Variants in KDM2B observed in about 807,000 individuals in gnomAD.
The protein encoded by KDM2B is lysine demethylase 2B.
KDM2B carries 26 observed loss-of-function variants against 150.0 expected under a neutral mutation model. That is an observed-to-expected ratio of 0.17 (90% CI 0.13 to 0.24). KDM2B has a LOEUF of 0.24. KDM2B is among the 10% of genes least tolerant of loss of function. The pLI is 1.00. For missense variants in KDM2B, 1,265 were observed against 1,816.9 expected (o/e 0.70, Z 5.52); for synonymous variants, 734 against 729.5 (o/e 1.01, Z -0.10).
intron 22 of KDM2B, among the ~76,000 whole-genome samples, chr12:121,435,695 C>T (rs1180276080): frequency 6.6e-6 from 1 of 152,116 alleles, no homozygotes; most frequent in African/African-American, 2.4e-5. Flanking sequence ...TTGAGAACCT[C>T]CTTCCCCCAT....
rs986985297 is a variant in KDM2B, at chr12:121,444,048, T to G, written c.2415A>C (p.Lys805Asn). 9.9e-6 allele frequency: 16 copies of G among 1,613,594 alleles called. No individual in the cohort carries two copies. The highest frequency in any genetic ancestry group is 3.3e-5 in the South Asian group (3 of 91,040). Residue 805 changes from lysine to asparagine, a missense_variant, in exon 16 of 23, where the codon AAA becomes AAC. Coordinates refer to ENST00000377071, the MANE Select transcript of KDM2B (RefSeq NM_032590.5). ...CACTCAGCTCCTGGGGCTTCTCGTATTTCCGCTTCTTCCTCAGGTGCACGT... is the reference window on the plus strand; with the variant it reads ...CACTCAGCTCCTGGGGCTTCTCGTAGTTCCGCTTCTTCCTCAGGTGCACGT... ...SDDVHLRKKR[K>N]YEKPQELSGR...
At chr12:121,562,667 G>T (rs1351883147) in intron 4 of KDM2B, among the ~76,000 whole-genome samples, 2 of 151,160 alleles carry the variant, frequency 1.3e-5, no homozygotes, top group Non-Finnish European at 2.9e-5. Context: ...GGAGGAGGAA[G>T]GGGGGAGGAA....
At chr12:121,487,199 G>A (rs1174116301) in intron 12 of KDM2B, among the ~76,000 whole-genome samples, 4 of 152,040 alleles carry the variant, frequency 2.6e-5, no homozygotes, top group African/African-American at 9.7e-5. Flanking sequence ...GAAAGAACTG[G>A]GGCATCCTTT....
intron 11 of KDM2B, among the ~76,000 whole-genome samples, chr12:121,506,008 GT>G (rs145390002): frequency 0.025 from 3,774 of 151,850 alleles, 143 homozygotes; most frequent in African/African-American, 0.087. Context: ...TCGTTTTTTT[GT>G]TTGCTTTTTT....
Position 121,439,905 on chromosome 12 carries a change from C to T in KDM2B, c.3781G>A (p.Ala1261Thr), listed in dbSNP as rs1322366721. ...VTDQSINLLT[A>T]VGTTTRDSLT... ...GAGTCTCGGGTGGTGGTGCCAACAGCAGTGAGCAGGTTGATAGACTGGTCG... is the reference window on the plus strand; with the variant it reads ...GAGTCTCGGGTGGTGGTGCCAACAGTAGTGAGCAGGTTGATAGACTGGTCG... Residue 1261 changes from alanine (A) to threonine (T), a missense_variant, in exon 22 of 23, where the codon GCT (alanine) becomes ACT (threonine). This residue lies in a region of KDM2B where 251 missense variants were observed against 397.8 expected (regional missense o/e 0.63). Coordinates refer to ENST00000377071, the MANE Select transcript of KDM2B (RefSeq NM_032590.5). 6.2e-7 allele frequency: 1 copy of T among 1,614,088 alleles called. No individual in the cohort carries two copies. The highest frequency in any genetic ancestry group is 8.5e-7 in the Non-Finnish European group (1 of 1,180,032).
At chr12:121,445,193 C>T (rs1339063609) in intron 14 of KDM2B, 82 bp downstream of exon 14, 97 of 1,508,708 alleles carry the variant, frequency 6.4e-5, no homozygotes, top group Non-Finnish European at 8.7e-5. Context: ...GCACGACCTG[C>T]ATCCCACCAT....
At chr12:121,578,982 T>C in intron 1 of KDM2B, 36 bp from the exon 2 acceptor site, 3 of 1,594,662 alleles carry the variant, frequency 1.9e-6, no homozygotes, top group South Asian at 1.1e-5. Flanking sequence ...CGGGACATTA[T>C]TGTGGGGGCT....
intron 22 of KDM2B, among the ~76,000 whole-genome samples, chr12:121,436,918 C>T (rs972593240): frequency 5.3e-4 from 80 of 152,190 alleles, no homozygotes; most frequent in African/African-American, 1.9e-3. Flanking sequence ...ACTGTAGCAA[C>T]AGGCTCCCAG....
intron 13 of KDM2B, among the ~76,000 whole-genome samples, chr12:121,446,529 C>T (rs1271896806): frequency 2.0e-5 from 3 of 152,204 alleles, no homozygotes; most frequent in Admixed American, 6.5e-5. Context: ...TAAAGTGCCT[C>T]GGCACACAGG....
chr12:121,538,073 C>T (rs1436718111), intron 6 of KDM2B, among the ~76,000 whole-genome samples: 4 of 151,614 alleles, frequency 2.6e-5, no homozygotes, highest in African/African-American at 7.3e-5. Flanking sequence ...GCGGGGCCCC[C>T]GCTCGCTGCC....
At chr12:121,424,898 TCTCTAAC>T (rs1872439328), downstream of KDM2B, among the ~76,000 whole-genome samples, 4 of 152,166 alleles carry the variant, frequency 2.6e-5, no homozygotes, top group Admixed American at 2.6e-4. Context: ...TTGCTTTGCT[TCTCTAAC>T]CTCTGAGAAG....
At chr12:121,515,542 A>C (rs1594020006) in intron 9 of KDM2B, among the ~76,000 whole-genome samples, 1 of 77,644 alleles carries the variant, frequency 1.3e-5, no homozygotes, top group African/African-American at 5.8e-5. Context: ...ACACTTGCCC[A>C]CCTCCACTGC....
At chr12:121,516,886 C>CAAA (rs1886252938) in intron 9 of KDM2B, 1 of 569,392 alleles carries the variant, frequency 1.8e-6, no homozygotes, top group African/African-American at 2.4e-5. Context: ...AAAAAAAAAT[C>CAAA]AATGGAAAAA....
At chr12:121,515,464 A>G (rs1296248164) in intron 9 of KDM2B, among the ~76,000 whole-genome samples, 1 of 29,162 alleles carries the variant, frequency 3.4e-5, no homozygotes, top group Non-Finnish European at 6.6e-5. Flanking sequence ...CACCCCCTCT[A>G]ATCACACTCG....
chr12:121,427,926 T>TGAC (rs1555284466), downstream of KDM2B, among the ~76,000 whole-genome samples: 1 of 152,258 alleles, frequency 6.6e-6, no homozygotes, highest in African/African-American at 2.4e-5. Flanking sequence ...AGGAAGAGGA[T>TGAC]GACTTTACTG....
chr12:121,569,640 C>G (rs967559713), intron 4 of KDM2B, among the ~76,000 whole-genome samples: 4 of 152,110 alleles, frequency 2.6e-5, no homozygotes, highest in African/African-American at 9.7e-5. Flanking sequence ...TCTCTGGAAG[C>G]CTGTGTGCAG....
chr12:121,578,865 G>A lies in KDM2B; in HGVS notation c.208C>T (p.Leu70=). Residue 70 remains leucine (L), a synonymous_variant, in exon 2 of 23, where the codon CTG becomes TTG. Coordinates refer to ENST00000377071, the MANE Select transcript of KDM2B (RefSeq NM_032590.5). The part of the protein sequence containing the change: ...EEIVSVRGFS[L]EEKLRSQLYQ... Reference sequence around the variant, plus strand: ...AGCTGGCTGCGAAGCTTCTCCTCCAGGCTGAAGCCGCGGACGCTGACGATC... The same window carrying A: ...AGCTGGCTGCGAAGCTTCTCCTCCAAGCTGAAGCCGCGGACGCTGACGATC... 6.2e-7 allele frequency: 1 copy of A among 1,612,470 alleles called. No homozygotes were observed. The highest frequency in any genetic ancestry group is 8.5e-7 in the Non-Finnish European group (1 of 1,179,524).
At chr12:121,500,375 AC>A (rs142358333) in intron 11 of KDM2B, among the ~76,000 whole-genome samples, 24 of 152,254 alleles carry the variant, frequency 1.6e-4, no homozygotes, top group African/African-American at 5.8e-4. Flanking sequence ...CAACCGTGGG[AC>A]CCTTTCTGCG....
At position 121,518,747 on chromosome 12, in the gene KDM2B, C is replaced by T. The variant is rs1328170254; in HGVS notation, c.1047+2238G>A. 6.6e-6 allele frequency among the ~76,000 whole-genome samples: 1 copy of T among 152,186 alleles called. No homozygotes were observed. The highest frequency in any genetic ancestry group is 1.5e-5 in the Non-Finnish European group (1 of 68,036). ...AGCCTTTAGAAATCCCAGCCTGACTCCGGCTTTCAGGAATTGCCTGGAAAG... is the reference window on the plus strand; with the variant it reads ...AGCCTTTAGAAATCCCAGCCTGACTTCGGCTTTCAGGAATTGCCTGGAAAG... On this transcript the variant is annotated intron_variant, in intron 9 of 22. Coordinates refer to ENST00000377071, the MANE Select transcript of KDM2B (RefSeq NM_032590.5). This position sits in a 1 kb window ranked among gnomAD's most constrained non-coding sequence, Gnocchi z 4.4.
Sources: allele counts gnomAD v4.1 joint callset (sites outside exome capture counted in the v4.1 genomes callset), GRCh38; gene constraint gnomAD v4.1.1; regional missense constraint gnomAD v4.1.1; non-coding constraint Gnocchi (gnomAD v3.1); transcripts MANE v1.5; gene names NCBI Gene and HGNC (gene_info 2026-07-23, HGNC 2026-07-21).